Variants in CWF19L2 observed in about 807,000 individuals in gnomAD.
The protein encoded by CWF19L2 is CWF19-like protein 2.
In CWF19L2, 98 loss-of-function variants were observed where a neutral mutation model predicts 111.7. The ratio of observed to expected loss-of-function variants is 0.88; its 90% CI spans 0.75 to 1.04. CWF19L2 has a LOEUF of 1.04. Among genes scored for constraint, CWF19L2 ranks in the 50% least tolerant of loss-of-function variants. The pLI is 0.00. For missense variants in CWF19L2, 1,101 were observed against 1,051.4 expected (o/e 1.05, Z -0.65); for synonymous variants, 351 against 342.9 (o/e 1.02, Z -0.26).
chr11:107,405,565 A>C (rs1861064928), intron 10 of CWF19L2, among the ~76,000 whole-genome samples: 1 of 152,140 alleles, frequency 6.6e-6, no homozygotes, highest in Admixed American at 6.5e-5. Context: ...AACAAAAAAA[A>C]CAGTATAACC....
At chr11:107,344,726 A>C (rs1045033673) in intron 14 of CWF19L2, among the ~76,000 whole-genome samples, 6 of 152,200 alleles carry the variant, frequency 3.9e-5, no homozygotes, top group Non-Finnish European at 7.3e-5. Flanking sequence ...TCTATTGATT[A>C]CCTTTTTCAA....
chr11:107,418,311 A>G (rs1453796187), intron 8 of CWF19L2, 24 bp from the exon 9 acceptor site: 1 of 1,472,138 alleles, frequency 6.8e-7, no homozygotes, highest in African/African-American at 1.4e-5. Flanking sequence ...AAAGATTAAC[A>G]GCATATGAAA....
At chr11:107,407,122 A>T (rs1861090574) in intron 10 of CWF19L2, among the ~76,000 whole-genome samples, 1 of 152,058 alleles carries the variant, frequency 6.6e-6, no homozygotes. Context: ...CTTCATTAAC[A>T]ACTGTCTACT....
At position 107,433,756 on chromosome 11, in the gene CWF19L2, T is replaced by A; in HGVS notation, c.665-7A>T. On this transcript the variant is annotated splice_region_variant and splice_polypyrimidine_tract_variant and intron_variant, in intron 6 of 17. Transcript: ENST00000282251. ...CCATCTTCTACCACTGAAACTAAATTCCAGTATTAAATATTAGTTATACTT... is the reference window on the plus strand; with the variant it reads ...CCATCTTCTACCACTGAAACTAAATACCAGTATTAAATATTAGTTATACTT... The A allele has an allele frequency of 7.0e-7, 1 of 1,430,490 alleles. No individual in the cohort carries two copies. 88.6% of individuals were successfully genotyped at this position (1,430,490 alleles called of 1,614,324 possible). A position where few individuals can be genotyped will look rare whatever the true frequency, so the allele number is the denominator to read the frequency against.
intron 10 of CWF19L2, among the ~76,000 whole-genome samples, chr11:107,402,873 G>GTATATATATATATATATATATATATATA (rs145828149): frequency 2.0e-4 from 19 of 94,426 alleles, no homozygotes; most frequent in African/African-American, 7.7e-4. Flanking sequence ...ACTGTGGTGT[G>GTATATATATATATATATATATATATATA]TATATATATA....
In CWF19L2 at chr11:107,437,141, C is replaced by T. The variant is rs1861552073; in HGVS notation, c.664+1949G>A. ...AACCTTCCCAAAAGATTTAATCATA[C>T]AAGTATCTGACATTACCATCATTAT... is the stretch of plus-strand genomic sequence containing the variant. On this transcript the variant is annotated intron_variant, in intron 6 of 17. Transcript: ENST00000282251. Among the ~76,000 whole-genome samples the T allele has an allele frequency of 2.0e-5, 3 of 149,550 alleles. No individual in the cohort carries two copies. The South Asian group carries it at 6.2e-4, about 31-fold the overall frequency.
rs1327006397 is a variant in CWF19L2 at position 107,457,789 on chromosome 11, C to T, written c.28G>A (p.Gly10Ser). MATSMAAAS[G>S]RFESAKSIEE... ...ATACTCTTCGCACTTTCAAATCTAC[C>T]ACTAGCAGCCGCCATACTTGTTGCC... The change falls in exon 1 of 18, where the codon GGT (glycine) becomes AGT (serine). Residue 10 changes from glycine (G) to serine (S), a missense_variant. Transcript: ENST00000282251. 3.9e-6 allele frequency: 6 copies of T among 1,551,706 alleles called. No homozygotes were observed. Among genetic ancestry groups the T allele is most frequent in the Admixed American group, 2.0e-5 (1 of 51,004 alleles).
At chr11:107,379,721 A>G (rs1200278384) in intron 12 of CWF19L2, among the ~76,000 whole-genome samples, 1 of 152,206 alleles carries the variant, frequency 6.6e-6, no homozygotes, top group African/African-American at 2.4e-5. Flanking sequence ...ATGTCTGCAT[A>G]AAGAAAAACC....
chr11:107,347,275 C>G (rs1035202849), intron 14 of CWF19L2, among the ~76,000 whole-genome samples: 1 of 152,112 alleles, frequency 6.6e-6, no homozygotes, highest in Non-Finnish European at 1.5e-5. Context: ...TTTAAAACCA[C>G]TTGAAAGAAG....
rs974171129 is a variant in CWF19L2 at position 107,333,295 on chromosome 11, T to C, written c.2439+1586A>G. Among the ~76,000 whole-genome samples the C allele has an allele frequency of 7.9e-5, 12 of 152,194 alleles. No individual in the cohort carries two copies. The South Asian group carries it at 2.5e-3, about 31-fold the overall frequency. On this transcript the variant is annotated intron_variant, in intron 16 of 17. Transcript: ENST00000282251. Reference sequence around the variant, plus strand: ...TATGTTTCATAATGTTAAGTTAAAATATTAAGACCTCCTGGCTACTTAATT... The same window carrying C: ...TATGTTTCATAATGTTAAGTTAAAACATTAAGACCTCCTGGCTACTTAATT...
intron 17 of CWF19L2, 131 bp from the exon 18 acceptor site, chr11:107,327,184 T>C (rs1859774472): frequency 6.6e-6 from 6 of 911,214 alleles, no homozygotes; most frequent in African/African-American, 1.7e-5. Flanking sequence ...GCATAAATAC[T>C]AGTTGAAGTT....
rs1859765616 is a variant in CWF19L2, at chr11:107,326,728, T to C, written c.*182A>G. The C allele has an allele frequency of 4.3e-6, 2 of 461,424 alleles. No homozygotes were observed. The highest frequency in any genetic ancestry group is 7.6e-6 in the Non-Finnish European group (2 of 262,858). 28.6% of individuals were successfully genotyped at this position (461,424 alleles called of 1,614,324 possible). A position where few individuals can be genotyped will look rare whatever the true frequency, so the allele number is the denominator to read the frequency against. ...TCCATGGTGACTAAAATGAAGTCCA[T>C]AGATAGGAGCAGGTGAAGAAGAAAA... is the stretch of plus-strand genomic sequence containing the variant. On this transcript the variant is annotated 3_prime_UTR_variant, in exon 18 of 18. Transcript: ENST00000282251.
At chr11:107,424,300 T>C (rs376523512) in intron 8 of CWF19L2, among the ~76,000 whole-genome samples, 1 of 151,722 alleles carries the variant, frequency 6.6e-6, no homozygotes, top group African/African-American at 2.4e-5. Flanking sequence ...CCATCTATCA[T>C]CTGCCTAGCT....
chr11:107,345,617 C>A (rs1860068961), intron 14 of CWF19L2: 1 of 309,222 alleles, frequency 3.2e-6, no homozygotes, highest in Non-Finnish European at 6.3e-6. Flanking sequence ...ACTAATAGCT[C>A]CAAGGAGGAT....
Position 107,416,887 on chromosome 11 carries a change from T to C in CWF19L2, c.1528-589A>G, listed in dbSNP as rs113828558. The stretch of plus-strand genomic sequence containing the variant: ...CACATATTTCACCCTTTTACCTAGA[T>C]GACCTCTCTTTCACTATTTTAACTA... On this transcript the variant is annotated intron_variant, in intron 9 of 17. Transcript: ENST00000282251. Among the ~76,000 whole-genome samples the C allele has an allele frequency of 3.3e-5, 5 of 152,336 alleles. No individual in the cohort carries two copies. The East Asian group carries it at 5.8e-4, about 18-fold the overall frequency.
intron 17 of CWF19L2, 52 bp from the exon 18 acceptor site, chr11:107,327,105 C>A: frequency 6.9e-7 from 1 of 1,455,112 alleles, no homozygotes; most frequent in Non-Finnish European, 9.2e-7. Flanking sequence ...ATAATGAAAA[C>A]AGAAATGAAA....
chr11:107,327,048 G>A lies in CWF19L2; in HGVS notation c.2547C>T (p.Ile849=). Residue 849 remains isoleucine (I), a synonymous_variant, in exon 18 of 18, where the codon ATC becomes ATT. Transcript: ENST00000282251. ...HKFPHYFGKE[I]IGGMLDIEPR... is the part of the protein sequence containing the mutation. Reference sequence around the variant, plus strand: ...GTTCTATATCCAGCATCCCACCTATGATTTCCTTTTAAAGAAAGAGAAAAG... The same window carrying A: ...GTTCTATATCCAGCATCCCACCTATAATTTCCTTTTAAAGAAAGAGAAAAG... 2 of 1,588,494 alleles carry A rather than the reference G, an allele frequency of 1.3e-6. No individual in the cohort carries two copies. The highest frequency in any genetic ancestry group is 8.5e-7 in the Non-Finnish European group (1 of 1,171,800).
intron 8 of CWF19L2, among the ~76,000 whole-genome samples, chr11:107,422,141 C>T (rs547181101): frequency 1.3e-5 from 2 of 152,032 alleles, no homozygotes; most frequent in Non-Finnish European, 2.9e-5. Context: ...CCATTTACAT[C>T]GAACTCTAGA....
chr11:107,409,883 G>T (rs1038300750), intron 10 of CWF19L2, among the ~76,000 whole-genome samples: 9 of 152,048 alleles, frequency 5.9e-5, no homozygotes, highest in African/African-American at 2.2e-4. Context: ...CATAAAACAA[G>T]TATTTCAGTA....
Sources: allele counts gnomAD v4.1 joint callset (sites outside exome capture counted in the v4.1 genomes callset), GRCh38; gene constraint gnomAD v4.1.1; transcripts MANE v1.5; gene names NCBI Gene and HGNC (gene_info 2026-07-23, HGNC 2026-07-21).